NSUN3: variants seen among roughly 807,000 people sequenced by gnomAD.
The protein encoded by NSUN3 is NOP2/Sun RNA methyltransferase 3.
Under a neutral mutation model 36.8 loss-of-function variants are expected in NSUN3, and 24 were observed. That is an observed-to-expected ratio of 0.65 (90% CI 0.47 to 0.92). The LOEUF (loss-of-function observed/expected upper bound fraction) is 0.92, where lower values mean the gene tolerates loss of function less well. NSUN3 is among the 40% of genes least tolerant of loss of function. The pLI is 0.00. For synonymous variants in NSUN3, 146 were observed against 145.2 expected (o/e 1.01, Z -0.04); for missense variants, 381 against 392.8 (o/e 0.97, Z 0.25).
intron 5 of NSUN3, among the ~76,000 whole-genome samples, chr3:94,109,808 G>C (rs2077408536): frequency 6.6e-6 from 1 of 152,166 alleles, no homozygotes; most frequent in South Asian, 2.1e-4. Flanking sequence ...CTAAGCTCAA[G>C]GAGTTTTTGA....
intron 2 of NSUN3, among the ~76,000 whole-genome samples, chr3:94,074,879 T>C (rs1242402982): frequency 6.6e-6 from 1 of 152,218 alleles, no homozygotes; most frequent in Non-Finnish European, 1.5e-5. Context: ...TCTTGTCTTG[T>C]GCTGGTTTTC....
Position 94,076,518 on chromosome 3 carries a change from T to A in NSUN3, c.123-7589T>A. 8.9e-6 allele frequency: 7 copies of A among 790,530 alleles called. No individual in the cohort carries two copies. In the South Asian group the frequency reaches 9.4e-5, roughly 11 times the overall value. The allele number at this position is 790,530 out of a possible 1,614,324, so 49.0% of individuals were successfully genotyped here. On this transcript the variant is annotated intron_variant, in intron 2 of 5. Transcript: ENST00000314622. Reference sequence around the variant, plus strand: ...ACTACTGTATGCCCTGTAAAGATGGTCTTTGCATCCACCACATTTCCCTCC... The same window carrying A: ...ACTACTGTATGCCCTGTAAAGATGGACTTTGCATCCACCACATTTCCCTCC...
chr3:94,074,583 A>C lies in NSUN3; in HGVS notation c.123-9524A>C, dbSNP rs1430372041. ...TAGTAGCAATTGTGGATGGGAGTTC[A>C]CTCATGATTTGGCTGTCTGTTTGTC... On this transcript the variant is annotated intron_variant, in intron 2 of 5. Coordinates refer to ENST00000314622, the MANE Select transcript of NSUN3 (RefSeq NM_022072.5). 2.0e-5 allele frequency among the ~76,000 whole-genome samples: 3 copies of C among 152,004 alleles called. No homozygotes were observed. In the East Asian group the frequency reaches 5.8e-4, roughly 29 times the overall value.
At chr3:94,125,876 T>C (rs2077483291) in intron 5 of NSUN3, among the ~76,000 whole-genome samples, 1 of 152,044 alleles carries the variant, frequency 6.6e-6, no homozygotes, top group African/African-American at 2.4e-5. Context: ...CCTGACCAAC[T>C]TGGTGAAACC....
At chr3:94,073,890 A>G (rs2077236162) in intron 2 of NSUN3, among the ~76,000 whole-genome samples, 1 of 152,182 alleles carries the variant, frequency 6.6e-6, no homozygotes, top group African/African-American at 2.4e-5. Flanking sequence ...TATGTCCTGA[A>G]TGGTATTGCC....
At chr3:94,104,570 A>G (rs542311647) in intron 5 of NSUN3, among the ~76,000 whole-genome samples, 3 of 152,230 alleles carry the variant, frequency 2.0e-5, no homozygotes, top group Non-Finnish European at 4.4e-5. Context: ...TAGACAGAAA[A>G]TAAAAGCCTT....
chr3:94,073,255 A>G (rs569927058), intron 2 of NSUN3, among the ~76,000 whole-genome samples: 36 of 152,328 alleles, frequency 2.4e-4, no homozygotes, highest in African/African-American at 8.2e-4. Flanking sequence ...TAGTGCTGCA[A>G]TAAACATATG....
intron 2 of NSUN3, among the ~76,000 whole-genome samples, chr3:94,072,235 C>A (rs545491190): frequency 7.5e-4 from 114 of 152,224 alleles, no homozygotes; most frequent in African/African-American, 2.7e-3. Flanking sequence ...TAGCTCTGTG[C>A]TGTAGTACCA....
intron 5 of NSUN3, among the ~76,000 whole-genome samples, chr3:94,098,494 G>T (rs1213565467): frequency 1.3e-5 from 2 of 152,006 alleles, no homozygotes; most frequent in Non-Finnish European, 2.9e-5. Context: ...TTGTTTGTTT[G>T]TTTTTTTAAT....
At chr3:94,100,920 G>C (rs933565498) in intron 5 of NSUN3, among the ~76,000 whole-genome samples, 7 of 151,790 alleles carry the variant, frequency 4.6e-5, no homozygotes, top group African/African-American at 1.7e-4. Flanking sequence ...TACTAATCTG[G>C]CACATTTTTA....
At chr3:94,094,440 G>A in intron 4 of NSUN3, 146 bp downstream of exon 4, 1 of 731,666 alleles carries the variant, frequency 1.4e-6, no homozygotes, top group Non-Finnish European at 2.2e-6. Context: ...AGTGAACATG[G>A]AAGCAGTTTT....
intron 5 of NSUN3, among the ~76,000 whole-genome samples, chr3:94,117,751 A>G (rs1053343589): frequency 1.3e-5 from 2 of 152,098 alleles, no homozygotes; most frequent in Admixed American, 6.6e-5. Flanking sequence ...GCAGTAGGCC[A>G]TTGTATTATA....
At chr3:94,072,700 A>G (rs974680817) in intron 2 of NSUN3, among the ~76,000 whole-genome samples, 32 of 137,840 alleles carry the variant, frequency 2.3e-4, no homozygotes, top group Non-Finnish European at 4.8e-4. Context: ...TGAAAGATCA[A>G]AAATTTCGTT....
chr3:94,092,216 T>A (rs768595452), intron 3 of NSUN3, among the ~76,000 whole-genome samples: 30 of 152,188 alleles, frequency 2.0e-4, no homozygotes, highest in Non-Finnish European at 3.8e-4. Context: ...TTGTTCTTCC[T>A]CCTTCCTCCA....
chr3:94,078,973 A>T (rs2077257435), intron 2 of NSUN3, among the ~76,000 whole-genome samples: 1 of 152,086 alleles, frequency 6.6e-6, no homozygotes, highest in Non-Finnish European at 1.5e-5. Flanking sequence ...TGTCACTATG[A>T]TGCTAGCTGT....
At chr3:94,069,386 A>G (rs1238304011) in intron 2 of NSUN3, among the ~76,000 whole-genome samples, 5 of 152,346 alleles carry the variant, frequency 3.3e-5, no homozygotes, top group South Asian at 2.1e-4. Flanking sequence ...TTTGTTTTTC[A>G]TTTCTAACTT....
chr3:94,109,241 G>A (rs1276147984), intron 5 of NSUN3, among the ~76,000 whole-genome samples: 3 of 152,256 alleles, frequency 2.0e-5, no homozygotes, highest in Admixed American at 2.0e-4. Flanking sequence ...TATGATTTTT[G>A]TGGCAATTTG....
chr3:94,093,713 G>A (rs1379771414), intron 3 of NSUN3, among the ~76,000 whole-genome samples: 3 of 152,192 alleles, frequency 2.0e-5, no homozygotes, highest in Non-Finnish European at 4.4e-5. Flanking sequence ...TGCGTCTGCC[G>A]CAATGTGAGT....
At chr3:94,115,531 C>T (rs756623858) in intron 5 of NSUN3, among the ~76,000 whole-genome samples, 1 of 152,056 alleles carries the variant, frequency 6.6e-6, no homozygotes, top group African/African-American at 2.4e-5. Flanking sequence ...TACTTCTGTA[C>T]CAGAAATTGT....
Sources: gnomAD v4.1 joint callset for allele counts (sites outside exome capture counted in the v4.1 genomes callset) on GRCh38, gnomAD v4.1.1 for gene constraint, MANE v1.5 for transcripts, NCBI Gene and HGNC (gene_info 2026-07-23, HGNC 2026-07-21) for gene names.